ADAMTS12: variants seen among roughly 807,000 people sequenced by gnomAD.
ADAMTS12 encodes the protein A disintegrin and metalloproteinase with thrombospondin motifs 12.
ADAMTS12 carries 118 observed loss-of-function variants against 167.8 expected under a neutral mutation model. The ratio of observed to expected loss-of-function variants is 0.70; its 90% CI spans 0.61 to 0.82. The LOEUF is 0.82. ADAMTS12 is among the 40% of genes least tolerant of loss of function. The pLI, the probability that ADAMTS12 is intolerant of heterozygous loss-of-function variation, is 0.00. For missense variants in ADAMTS12, 1,916 were observed against 1,998.8 expected, an observed-to-expected ratio of 0.96 and a Z score of 0.79; for synonymous variants, 704 against 716.9, an observed-to-expected ratio of 0.98 and a Z score of 0.29.
intron 2 of ADAMTS12, among the ~76,000 whole-genome samples, chr5:33,800,373 A>T (rs1423475): frequency 0.028 from 4,248 of 152,294 alleles, 224 homozygotes; most frequent in African/African-American, 0.098. Flanking sequence ...ACCGGAAGAC[A>T]TGAGCTGAGG....
intron 19 of ADAMTS12, among the ~76,000 whole-genome samples, chr5:33,570,129 A>T (rs957596556): frequency 6.6e-6 from 1 of 152,208 alleles, no homozygotes; most frequent in Non-Finnish European, 1.5e-5. Context: ...ATTGGTGTAC[A>T]TGAAAGTGAC....
At chr5:33,609,428 T>C (rs908314776) in intron 16 of ADAMTS12, among the ~76,000 whole-genome samples, 1 of 150,992 alleles carries the variant, frequency 6.6e-6, no homozygotes, top group African/African-American at 2.4e-5. Context: ...TGGAGTGCAG[T>C]GGCAGGATCT....
intron 5 of ADAMTS12, among the ~76,000 whole-genome samples, chr5:33,673,393 C>T (rs1049974344): frequency 2.6e-5 from 4 of 152,174 alleles, no homozygotes; most frequent in Admixed American, 2.6e-4. Context: ...CTTTTCCTCC[C>T]ACTTTAACCT....
In ADAMTS12 at chr5:33,891,716, G is replaced by T; in HGVS notation, c.127+14C>A. ...CACCACTGTTTTAAAAAGAAATAAA[G>T]AAGAGTCACTAACCTTGCCTCCTGT... On this transcript the variant is annotated intron_variant, in intron 1 of 23. Coordinates refer to ENST00000504830, the MANE Select transcript of ADAMTS12 (RefSeq NM_030955.4). The T allele has an allele frequency of 6.2e-7, 1 of 1,613,728 alleles. No individual in the cohort carries two copies. Among genetic ancestry groups the T allele is most frequent in the Middle Eastern group, 1.7e-4 (1 of 6,058 alleles).
chr5:33,759,931 T>A (rs573338143), intron 2 of ADAMTS12, among the ~76,000 whole-genome samples: 25 of 152,296 alleles, frequency 1.6e-4, no homozygotes, highest in African/African-American at 5.8e-4. Context: ...GAATAAGGCG[T>A]CAGGTGACCC....
At chr5:33,774,802 G>T (rs1339669651) in intron 2 of ADAMTS12, among the ~76,000 whole-genome samples, 1 of 152,024 alleles carries the variant, frequency 6.6e-6, no homozygotes, top group Non-Finnish European at 1.5e-5. Flanking sequence ...GTCCTGCTTT[G>T]CCCAGCTTTA....
intron 3 of ADAMTS12, among the ~76,000 whole-genome samples, chr5:33,750,584 TAAC>T (rs1744938821): frequency 6.6e-6 from 1 of 152,216 alleles, no homozygotes; most frequent in African/African-American, 2.4e-5. Flanking sequence ...TTCCTTTTGT[TAAC>T]AGCCCCTCTG....
intron 16 of ADAMTS12, among the ~76,000 whole-genome samples, chr5:33,601,265 G>T (rs1023139651): frequency 1.5e-4 from 23 of 152,018 alleles, no homozygotes; most frequent in Admixed American, 5.2e-4. Flanking sequence ...CAATTTCCTT[G>T]TCCTCATCTT....
At chr5:33,783,355 T>C (rs1746210756) in intron 2 of ADAMTS12, among the ~76,000 whole-genome samples, 1 of 150,518 alleles carries the variant, frequency 6.6e-6, no homozygotes, top group Admixed American at 6.6e-5. Flanking sequence ...CCAAATAAAA[T>C]CTAAAGTAAG....
rs1188411986 is a variant in ADAMTS12 at position 33,646,637 on chromosome 5, C to T, written c.1479+2185G>A. Reference sequence around the variant, plus strand: ...TGAAAATTTTCGGTGAAAGAATGTGCCAGCCATCTGAACCCTAAAGGAAAA... The same window carrying T: ...TGAAAATTTTCGGTGAAAGAATGTGTCAGCCATCTGAACCCTAAAGGAAAA... On this transcript the variant is annotated intron_variant, in intron 9 of 23. Coordinates refer to ENST00000504830, the MANE Select transcript of ADAMTS12 (RefSeq NM_030955.4). 2.0e-5 allele frequency among the ~76,000 whole-genome samples: 3 copies of T among 152,056 alleles called. No homozygotes were observed. The South Asian group carries it at 6.2e-4, about 32-fold the overall frequency.
chr5:33,627,756 C>A (rs542195941), intron 13 of ADAMTS12, among the ~76,000 whole-genome samples: 1 of 152,032 alleles, frequency 6.6e-6, no homozygotes, highest in Admixed American at 6.6e-5. Context: ...GTATTCTGAA[C>A]GTAGATCTAG....
rs1243071684 is a variant in ADAMTS12 at position 33,760,159 on chromosome 5, G to T, written c.490-8611C>A. Among the ~76,000 whole-genome samples, 4 of 152,068 alleles carry T rather than the reference G, an allele frequency of 2.6e-5. No individual in the cohort carries two copies. In the East Asian group the frequency reaches 7.7e-4, roughly 29 times the overall value. ...TTCTTCCATCATGTGGTGCTTAATT[G>T]TTTTCACCTCCCACCCCCAACCCCC... On this transcript the variant is annotated intron_variant, in intron 2 of 23. Transcript: ENST00000504830.
rs775922801 is a variant in ADAMTS12, at chr5:33,624,259, T to C, written c.2115A>G (p.Arg705=). The change falls in exon 14 of 24, where the codon AGA becomes AGG. Residue 705 remains arginine (R), a synonymous_variant. Coordinates refer to ENST00000504830, the MANE Select transcript of ADAMTS12 (RefSeq NM_030955.4). ...LGDGSSCQTV[R]KMFKQKEGSG... is the part of the protein sequence containing the mutation. Reference sequence around the variant, plus strand: ...ATCCTTCCTTCTGCTTAAACATCTTTCTCACAGTCTGGCAGGAAGAGCCAT... The same window carrying C: ...ATCCTTCCTTCTGCTTAAACATCTTCCTCACAGTCTGGCAGGAAGAGCCAT... The C allele has an allele frequency of 6.2e-7, 1 of 1,614,130 alleles. No homozygotes were observed. The highest frequency in any genetic ancestry group is 2.2e-5 in the East Asian group (1 of 44,872).
At chr5:33,719,641 G>A (rs1431527035) in intron 3 of ADAMTS12, among the ~76,000 whole-genome samples, 1 of 152,214 alleles carries the variant, frequency 6.6e-6, no homozygotes, top group Non-Finnish European at 1.5e-5. Flanking sequence ...ATCCTGCCAA[G>A]TGGCATTTAA....
intron 22 of ADAMTS12, among the ~76,000 whole-genome samples, chr5:33,538,040 T>C (rs919610763): frequency 1.6e-4 from 24 of 152,154 alleles, no homozygotes; most frequent in African/African-American, 5.1e-4. Context: ...GCAACCAACT[T>C]TCTGAAAGCA....
chr5:33,876,696 T>C (rs1207873010), intron 2 of ADAMTS12, among the ~76,000 whole-genome samples: 4 of 151,994 alleles, frequency 2.6e-5, no homozygotes, highest in African/African-American at 9.7e-5. Flanking sequence ...AAAATATAAA[T>C]ATGAGGTGGT....
chr5:33,755,404 G>T (rs1207872279), intron 2 of ADAMTS12, among the ~76,000 whole-genome samples: 1 of 152,184 alleles, frequency 6.6e-6, no homozygotes, highest in East Asian at 1.9e-4. Context: ...TGATGAGGAA[G>T]GATGGGGAAG....
At chr5:33,722,781 C>T (rs1240693267) in intron 3 of ADAMTS12, among the ~76,000 whole-genome samples, 1 of 152,158 alleles carries the variant, frequency 6.6e-6, no homozygotes. Flanking sequence ...TGAGGGCTCA[C>T]TAGCAAGGTG....
At chr5:33,737,337 G>A (rs1325883556) in intron 3 of ADAMTS12, among the ~76,000 whole-genome samples, 2 of 152,164 alleles carry the variant, frequency 1.3e-5, no homozygotes, top group East Asian at 3.8e-4. Context: ...AAATGCTTGT[G>A]AGGCCAGATG....
Sources: gnomAD v4.1 joint callset for allele counts (sites outside exome capture counted in the v4.1 genomes callset) on GRCh38, gnomAD v4.1.1 for gene constraint, MANE v1.5 for transcripts, NCBI Gene and HGNC (gene_info 2026-07-23, HGNC 2026-07-21) for gene names.